Variants in TTC39C observed in about 807,000 individuals in gnomAD.
The protein encoded by TTC39C is tetratricopeptide repeat domain 39C.
A neutral mutation model predicts 76.3 loss-of-function variants in TTC39C; 33 were observed. The observed-to-expected ratio is 0.43, with a 90% CI of 0.33 to 0.58. TTC39C has a LOEUF of 0.58. Ranked by LOEUF, TTC39C falls within the 20% of genes least tolerant of loss-of-function variation. The probability of loss-of-function intolerance (pLI) is 0.04; values close to 1 mark genes in which losing one functional copy is unlikely to be tolerated. For missense variants in TTC39C, 595 were observed against 701.4 expected (o/e 0.85, Z 1.71); for synonymous variants, 254 against 260.6 (o/e 0.97, Z 0.24).
intron 7 of TTC39C, among the ~76,000 whole-genome samples, chr18:24,117,825 G>A (rs2084915816): frequency 6.6e-6 from 1 of 152,150 alleles, no homozygotes; most frequent in Admixed American, 6.5e-5. Flanking sequence ...GCTGTGCTTG[G>A]GTTAGCCTCA....
intron 1 of TTC39C, among the ~76,000 whole-genome samples, chr18:24,021,504 T>C (rs1274186271): frequency 6.6e-6 from 1 of 151,962 alleles, no homozygotes; most frequent in Non-Finnish European, 1.5e-5. Flanking sequence ...GTGGATTTGA[T>C]GATTGAGCTG....
intron 6 of TTC39C, among the ~76,000 whole-genome samples, chr18:24,084,663 CTTTTCCT>C (rs1352239230): frequency 6.6e-6 from 1 of 151,536 alleles, no homozygotes; most frequent in Non-Finnish European, 1.5e-5. Context: ...TGTTTTTTTT[CTTTTCCT>C]TTTTGAGACG....
At chr18:24,063,442 A>G (rs917241813) in intron 1 of TTC39C, among the ~76,000 whole-genome samples, 6 of 152,176 alleles carry the variant, frequency 3.9e-5, no homozygotes, top group African/African-American at 1.4e-4. Context: ...GTAACTGTAG[A>G]AGATTATTTT....
chr18:24,103,864 T>C (rs1442803444), intron 6 of TTC39C, among the ~76,000 whole-genome samples: 2 of 152,150 alleles, frequency 1.3e-5, no homozygotes, highest in African/African-American at 2.4e-5. Flanking sequence ...CATTATGTCA[T>C]GTCTCTGTAC....
At position 24,069,265 on chromosome 18, in the gene TTC39C, T is replaced by G. The variant is rs2084207124; in HGVS notation, c.454T>G (p.Leu152Val). Residue 152 changes from leucine (L) to valine (V), a missense_variant, in exon 4 of 14, where the codon TTG becomes GTG. By Grantham distance (32) the Leu-to-Val change is conservative. Transcript: ENST00000317571. ...TGTGCTTTCATTTGTAAAACAAGAA[T>G]TGTCAGGTATGCTGAAGCATTATTT... Reference protein sequence around the residue: ...LAVLSFVKQELSAYIKGGWIL... With the variant: ...LAVLSFVKQEVSAYIKGGWIL... The G allele has an allele frequency of 1.9e-6, 3 of 1,612,700 alleles. No individual in the cohort carries two copies.
intron 1 of TTC39C, among the ~76,000 whole-genome samples, chr18:24,005,286 A>G (rs1482374273): frequency 6.6e-6 from 1 of 152,228 alleles, no homozygotes; most frequent in African/African-American, 2.4e-5. Flanking sequence ...ATTAAATGGA[A>G]CAACATTTGT....
intron 6 of TTC39C, among the ~76,000 whole-genome samples, chr18:24,102,299 G>A (rs938932326): frequency 6.6e-6 from 1 of 152,186 alleles, no homozygotes; most frequent in African/African-American, 2.4e-5. Context: ...GGATTCAGTT[G>A]CATAACTCAC....
intron 1 of TTC39C, among the ~76,000 whole-genome samples, chr18:24,056,447 TG>T (rs2084018022): frequency 6.6e-6 from 1 of 152,216 alleles, no homozygotes; most frequent in Non-Finnish European, 1.5e-5. Flanking sequence ...TTCACTACTT[TG>T]GGCAGTAAAA....
intron 1 of TTC39C, among the ~76,000 whole-genome samples, chr18:24,009,196 C>T (rs561815473): frequency 2.2e-4 from 33 of 152,302 alleles, no homozygotes; most frequent in African/African-American, 7.5e-4. Context: ...ACCTCCAAAC[C>T]TAAAATACCA....
intron 1 of TTC39C, among the ~76,000 whole-genome samples, chr18:24,063,491 T>C (rs1344542254): frequency 6.6e-6 from 1 of 151,566 alleles, no homozygotes; most frequent in South Asian, 2.1e-4. Context: ...GCCATGTTTT[T>C]GTAGTTGTCA....
upstream of TTC39C, among the ~76,000 whole-genome samples, chr18:24,012,355 C>T (rs1490231633): frequency 6.6e-6 from 1 of 152,080 alleles, no homozygotes; most frequent in East Asian, 1.9e-4. Context: ...TGGGCGGTTG[C>T]AGTGGTCCTT....
At chr18:24,009,304 C>T (rs2083378445) in intron 1 of TTC39C, among the ~76,000 whole-genome samples, 1 of 152,164 alleles carries the variant, frequency 6.6e-6, no homozygotes, top group Non-Finnish European at 1.5e-5. Flanking sequence ...TTTAACACTT[C>T]CCTTATCCAT....
Position 24,069,179 on chromosome 18 carries a change from C to A in TTC39C, c.368C>A (p.Pro123His). ...KKNVDVRKSA[P>H]SMVDRLQRQI... is the part of the protein sequence containing the mutation. ...CAGGTTGATGTCCGAAAATCCGCCCCCTCTATGGTTGATCGGCTTCAGAGG... is the reference window on the plus strand; with the variant it reads ...CAGGTTGATGTCCGAAAATCCGCCCACTCTATGGTTGATCGGCTTCAGAGG... Residue 123 changes from proline (P) to histidine (H), a missense_variant, in exon 4 of 14, where the codon CCC becomes CAC. Pro to His is a moderately conservative substitution (Grantham distance 77). Transcript: ENST00000317571. 1 of 1,613,818 alleles carries A rather than the reference C, an allele frequency of 6.2e-7. No homozygotes were observed. Among genetic ancestry groups the A allele is most frequent in the South Asian group, 1.1e-5 (1 of 91,058 alleles).
chr18:24,086,155 A>G (rs1358398976), intron 6 of TTC39C, among the ~76,000 whole-genome samples: 1 of 152,216 alleles, frequency 6.6e-6, no homozygotes, highest in Non-Finnish European at 1.5e-5. Flanking sequence ...TAGGTTAGAA[A>G]TAGGGCCCCT....
chr18:24,099,004 A>AGTGTGT (rs1229315087), intron 6 of TTC39C, among the ~76,000 whole-genome samples: 58 of 46,336 alleles, frequency 1.3e-3, no homozygotes, highest in Middle Eastern at 0.02. Flanking sequence ...AAGTTAGAGG[A>AGTGTGT]ATGTGTGTGT....
chr18:24,014,673 C>A (rs2083425813), upstream of TTC39C: 2 of 808,060 alleles, frequency 2.5e-6, no homozygotes, highest in South Asian at 6.1e-5. Context: ...CGCCCACCTC[C>A]CACGCCGCGC....
intron 6 of TTC39C, among the ~76,000 whole-genome samples, chr18:24,085,835 T>C (rs1370538587): frequency 1.3e-5 from 2 of 152,220 alleles, no homozygotes; most frequent in Non-Finnish European, 2.9e-5. Context: ...AGTGTTTCTG[T>C]TTGGCTCTTC....
intron 4 of TTC39C, among the ~76,000 whole-genome samples, chr18:24,069,863 T>G (rs2084216057): frequency 6.6e-6 from 1 of 152,218 alleles, no homozygotes; most frequent in Non-Finnish European, 1.5e-5. Flanking sequence ...GTCCTATGAC[T>G]GAGTCTAAAA....
intron 11 of TTC39C, among the ~76,000 whole-genome samples, chr18:24,129,773 C>A (rs2085099079): frequency 9.5e-5 from 9 of 94,996 alleles, no homozygotes; most frequent in South Asian, 3.7e-4. Flanking sequence ...GACTCCATCT[C>A]AAAAAAAAAA....
Sources: gnomAD v4.1 joint callset for allele counts (sites outside exome capture counted in the v4.1 genomes callset) on GRCh38, gnomAD v4.1.1 for gene constraint, MANE v1.5 for transcripts, NCBI Gene and HGNC (gene_info 2026-07-23, HGNC 2026-07-21) for gene names.